The following PARN variants were observed in gnomAD, a reference collection of about 807,000 sequenced individuals.
The protein encoded by PARN is poly(A)-specific ribonuclease PARN.
Under a neutral mutation model 102.8 loss-of-function variants are expected in PARN, and 71 were observed. The observed-to-expected ratio is 0.69, with a 90% CI of 0.57 to 0.84. The LOEUF (loss-of-function observed/expected upper bound fraction) is 0.84, where lower values mean the gene tolerates loss of function less well. Among genes scored for constraint, PARN ranks in the 40% least tolerant of loss-of-function variants. The probability of loss-of-function intolerance (pLI) is 0.00; values close to 1 mark genes in which losing one functional copy is unlikely to be tolerated. For synonymous variants in PARN, 261 were observed against 252.9 expected, an observed-to-expected ratio of 1.03 and a Z score of -0.30; for missense variants, 782 against 760.9, an observed-to-expected ratio of 1.03 and a Z score of -0.33.
At chr16:14,587,202 C>T (rs958309107) in intron 13 of PARN, among the ~76,000 whole-genome samples, 1 of 152,138 alleles carries the variant, frequency 6.6e-6, no homozygotes, top group Admixed American at 6.6e-5. Context: ...CAGCTTTTCA[C>T]TGGCTATAAA....
chr16:14,628,438 C>T (rs1243491832), intron 2 of PARN, among the ~76,000 whole-genome samples, 187 bp from the exon 3 acceptor site: 2 of 152,152 alleles, frequency 1.3e-5, no homozygotes, highest in East Asian at 3.8e-4. Context: ...TAATAATGAA[C>T]TTAGAGATGC....
intron 17 of PARN, among the ~76,000 whole-genome samples, 152 bp downstream of exon 17, chr16:14,582,029 T>C (rs1969561855): frequency 6.6e-6 from 1 of 152,212 alleles, no homozygotes; most frequent in South Asian, 2.1e-4. Context: ...CAACTGGGTC[T>C]TGGACTTTCC....
At chr16:14,519,953 A>C (rs1372991663) in intron 21 of PARN, among the ~76,000 whole-genome samples, 2 of 152,190 alleles carry the variant, frequency 1.3e-5, no homozygotes, top group African/African-American at 2.4e-5. Context: ...ATCACACACA[A>C]AAAGAGAGAT....
intron 21 of PARN, among the ~76,000 whole-genome samples, chr16:14,524,698 A>G (rs16963770): frequency 0.016 from 2,487 of 152,330 alleles, 49 homozygotes; most frequent in African/African-American, 0.057. Flanking sequence ...CTCAGAAACA[A>G]TATGAAAACT....
chr16:14,508,542 T>C (rs931405705), intron 21 of PARN, among the ~76,000 whole-genome samples: 2 of 152,056 alleles, frequency 1.3e-5, no homozygotes, highest in African/African-American at 4.8e-5. Context: ...CACATTCCCA[T>C]AGTGAGACAC....
chr16:14,518,415 G>A (rs772025309), intron 21 of PARN, among the ~76,000 whole-genome samples: 1 of 151,458 alleles, frequency 6.6e-6, no homozygotes, highest in Non-Finnish European at 1.5e-5. Context: ...ATTTAAATGG[G>A]CTTAATTTAT....
chr16:14,604,177 CT>C lies in PARN; in HGVS notation c.751del (p.Arg251GlufsTer14). Reference protein sequence around the residue: ...ISKVDEEERKRREQQKHAKEQ... With the variant: ...ISKVDEEERKXREQQKHAKEQ... Reference sequence around the variant, plus strand: ...TTTGGCATGTTTCTGCTGCTCTCTTCTTTTGCGTTCTTCTTCATCTACTTTG... The same window carrying C: ...TTTGGCATGTTTCTGCTGCTCTCTTCTTTGCGTTCTTCTTCATCTACTTTG... On this transcript the variant is annotated frameshift_variant, in exon 11 of 24. Transcript: ENST00000437198. LOFTEE classifies it high-confidence loss of function. 1 of 1,602,166 alleles carries C rather than the reference CT, an allele frequency of 6.2e-7. No homozygotes were observed. The highest frequency in any genetic ancestry group is 8.5e-7 in the Non-Finnish European group (1 of 1,172,848).
chr16:14,539,400 T>C (rs1278218634), intron 21 of PARN, among the ~76,000 whole-genome samples: 2 of 152,178 alleles, frequency 1.3e-5, no homozygotes, highest in Non-Finnish European at 2.9e-5. Context: ...AGAAAGCTTT[T>C]TGCTCTATTC....
intron 18 of PARN, among the ~76,000 whole-genome samples, chr16:14,562,966 A>C (rs1489084515): frequency 6.6e-6 from 1 of 152,180 alleles, no homozygotes; most frequent in African/African-American, 2.4e-5. Context: ...TAGTCCGGTG[A>C]ATATTAAGTG....
chr16:14,605,589 G>A (rs898441020), intron 10 of PARN, among the ~76,000 whole-genome samples: 2 of 152,138 alleles, frequency 1.3e-5, no homozygotes, highest in African/African-American at 4.8e-5. Flanking sequence ...CAGATAACTA[G>A]TACTTTCTTT....
At chr16:14,458,179 A>G (rs1961776939) in intron 22 of PARN, among the ~76,000 whole-genome samples, 1 of 152,206 alleles carries the variant, frequency 6.6e-6, no homozygotes. Flanking sequence ...GAAAGATACT[A>G]CATTAATAAT....
chr16:14,548,627 G>T (rs1967108680), intron 21 of PARN, among the ~76,000 whole-genome samples: 1 of 152,166 alleles, frequency 6.6e-6, no homozygotes, highest in Non-Finnish European at 1.5e-5. Flanking sequence ...AAAGCACAGA[G>T]AATGAGGTTC....
chr16:14,582,146 A>C (rs1969569583), intron 17 of PARN, 35 bp downstream of exon 17: 1 of 1,280,408 alleles, frequency 7.8e-7, no homozygotes, highest in Non-Finnish European at 1.1e-6. Context: ...ACCCTAGATC[A>C]CTGCGTGTTT....
intron 22 of PARN, among the ~76,000 whole-genome samples, chr16:14,450,351 C>T (rs1255306578): frequency 6.6e-6 from 1 of 152,116 alleles, no homozygotes; most frequent in African/African-American, 2.4e-5. Context: ...TGCATGATAG[C>T]ACTGGGTAAA....
At chr16:14,470,857 G>A (rs147581715) in intron 22 of PARN, among the ~76,000 whole-genome samples, 120 of 152,066 alleles carry the variant, frequency 7.9e-4, no homozygotes, top group Non-Finnish European at 1.4e-3. Flanking sequence ...GCTCATCACT[G>A]CCTCAAACTC....
chr16:14,610,257 G>A (rs1187169237), intron 7 of PARN, among the ~76,000 whole-genome samples: 2 of 152,130 alleles, frequency 1.3e-5, no homozygotes, highest in African/African-American at 4.8e-5. Flanking sequence ...CAGATCACTT[G>A]AGGCCAGGAG....
chr16:14,440,010 C>T (rs1960877844), intron 23 of PARN, among the ~76,000 whole-genome samples: 1 of 151,960 alleles, frequency 6.6e-6, no homozygotes, highest in Admixed American at 6.6e-5. Context: ...GCAAGACTGT[C>T]TCGAAAACAA....
intron 21 of PARN, among the ~76,000 whole-genome samples, chr16:14,550,466 C>T (rs1023308925): frequency 3.9e-5 from 6 of 152,208 alleles, no homozygotes; most frequent in Admixed American, 2.0e-4. Context: ...TACTATTATG[C>T]GCAGTTTACA....
At chr16:14,483,718 G>A (rs939160067) in intron 21 of PARN, among the ~76,000 whole-genome samples, 1 of 151,922 alleles carries the variant, frequency 6.6e-6, no homozygotes, top group African/African-American at 2.4e-5. Context: ...CAGATGTGTA[G>A]TACAATTATG....
Sources: allele counts gnomAD v4.1 joint callset (sites outside exome capture counted in the v4.1 genomes callset), GRCh38; gene constraint gnomAD v4.1.1; transcripts MANE v1.5; gene names NCBI Gene and HGNC (gene_info 2026-07-23, HGNC 2026-07-21).